KCNQ1: variants seen among roughly 807,000 people sequenced by gnomAD.
The protein encoded by KCNQ1 is potassium voltage-gated channel subfamily KQT member 1.
A neutral mutation model predicts 72.4 loss-of-function variants in KCNQ1; 49 were observed. That is an observed-to-expected ratio of 0.68 (90% CI 0.54 to 0.86). KCNQ1 has a LOEUF of 0.86. Ranked by LOEUF, KCNQ1 falls within the 40% of genes least tolerant of loss-of-function variation. The probability of loss-of-function intolerance (pLI) is 0.00; values close to 1 mark genes in which losing one functional copy is unlikely to be tolerated. For missense variants in KCNQ1, 790 were observed against 945.1 expected, an observed-to-expected ratio of 0.84 and a Z score of 2.15; for synonymous variants, 450 against 412.6, an observed-to-expected ratio of 1.09 and a Z score of -1.10.
At position 2,631,830 on chromosome 11, in the gene KCNQ1, G is replaced by A. The variant is rs568560803; in HGVS notation, c.1394-30131G>A. 38 of 398,552 alleles carry A rather than the reference G, an allele frequency of 9.5e-5. 1 individual carries two copies. The South Asian group carries it at 3.8e-3, about 40-fold the overall frequency. 24.7% of individuals were successfully genotyped at this position (398,552 alleles called of 1,614,324 possible). A position where few individuals can be genotyped will look rare whatever the true frequency, so the allele number is the denominator to read the frequency against. On this transcript the variant is annotated intron_variant, in intron 10 of 15. Transcript: ENST00000155840. The stretch of plus-strand genomic sequence containing the variant: ...CAAGGCTGAGTGTCCTGATGCTGTC[G>A]TGTAAATAGAGTTGTGTTAATAATA...
In KCNQ1 at chr11:2,671,586, G is replaced by C; in HGVS notation, c.1514+9505G>C. 1 of 398,618 alleles carries C rather than the reference G, an allele frequency of 2.5e-6. No individual in the cohort carries two copies. Among genetic ancestry groups the C allele is most frequent in the East Asian group, 3.6e-5 (1 of 28,078 alleles). 24.7% of individuals were successfully genotyped at this position (398,618 alleles called of 1,614,324 possible). On this transcript the variant is annotated intron_variant, in intron 11 of 15. Coordinates refer to ENST00000155840, the MANE Select transcript of KCNQ1 (RefSeq NM_000218.3). The surrounding 1 kb of genome is among the most constrained non-coding windows in gnomAD (Gnocchi z 4.7). ...TCTTTGGCACTGAGCATTTATACAA[G>C]ATCAGACTGCACTGCACCCTAAGTA...
intron 11 of KCNQ1, among the ~76,000 whole-genome samples, chr11:2,716,975 T>C (rs545696995): frequency 6.6e-6 from 1 of 152,346 alleles, no homozygotes; most frequent in African/African-American, 2.4e-5. Flanking sequence ...GTGGTGCCTG[T>C]GGAGCTGTTC....
intron 1 of KCNQ1, among the ~76,000 whole-genome samples, chr11:2,472,897 G>A (rs1310257291): frequency 1.3e-5 from 2 of 152,060 alleles, no homozygotes; most frequent in Non-Finnish European, 2.9e-5. Context: ...TTGCAGCTCT[G>A]GGGCCCTTCT....
rs776170046 is a variant in KCNQ1 at position 2,664,048 on chromosome 11, C to T, written c.1514+1967C>T. ...ATCCTGCAGCCTTTTCAGGTTGGCA[C>T]TCCCATGGCCTCCAGTGATAAGTGG... On this transcript the variant is annotated intron_variant, in intron 11 of 15. Transcript: ENST00000155840. The surrounding 1 kb of genome is among the most constrained non-coding windows in gnomAD (Gnocchi z 5.1). 6 of 398,632 alleles carry T rather than the reference C, an allele frequency of 1.5e-5. No individual in the cohort carries two copies. Among genetic ancestry groups the T allele is most frequent in the African/African-American group, 2.1e-5 (1 of 48,654 alleles). 24.7% of individuals were successfully genotyped at this position (398,632 alleles called of 1,614,324 possible).
intron 2 of KCNQ1, among the ~76,000 whole-genome samples, chr11:2,552,118 C>CT (rs1322705656): frequency 0.012 from 1,793 of 146,318 alleles, 36 homozygotes; most frequent in African/African-American, 0.041. Context: ...CAGGGTTCTT[C>CT]TTTTTTTTTT....
In KCNQ1 at chr11:2,724,667, A is replaced by T. The variant is rs1052157407; in HGVS notation, c.1515-44177A>T. 1.3e-5 allele frequency among the ~76,000 whole-genome samples: 2 copies of T among 152,188 alleles called. No homozygotes were observed. Among genetic ancestry groups the T allele is most frequent in the South Asian group, 4.1e-4 (2 of 4,832 alleles). ...GCCCTTCCCTCTCACTTCGCTCCCC[A>T]GGAGGCGACACTGTGATTGTCCTGG... is the stretch of plus-strand genomic sequence containing the variant. On this transcript the variant is annotated intron_variant, in intron 11 of 15. Coordinates refer to ENST00000155840, the MANE Select transcript of KCNQ1 (RefSeq NM_000218.3). The surrounding 1 kb of genome is among the most constrained non-coding windows in gnomAD (Gnocchi z 6.8).
rs1402485755 is a variant in KCNQ1, at chr11:2,471,880, G to GCACATGTGTATGGGTGTGTGTT, written c.386+26407_386+26408insGGGTGTGTGTTCACATGTGTAT. 1.6e-3 allele frequency among the ~76,000 whole-genome samples: 239 copies of GCACATGTGTATGGGTGTGTGTT among 152,060 alleles called. 1 individual carries two copies. The highest frequency in any genetic ancestry group is 5.6e-3 in the African/African-American group (233 of 41,466). On this transcript the variant is annotated intron_variant, in intron 1 of 15. Coordinates refer to ENST00000155840, the MANE Select transcript of KCNQ1 (RefSeq NM_000218.3). This position sits in a 1 kb window ranked among gnomAD's most constrained non-coding sequence, Gnocchi z 4.8. ...TGTGTGTTTATGTATGGGTGTGTGT[G>GCACATGTGTATGGGTGTGTGTT]CACATGTGTATAGGTGTGTGTATGC...
At chr11:2,578,798 T>C (rs759985397) in intron 6 of KCNQ1, among the ~76,000 whole-genome samples, 16 of 152,234 alleles carry the variant, frequency 1.1e-4, no homozygotes, top group Non-Finnish European at 2.4e-4. Flanking sequence ...GGGCCTGCAA[T>C]GGCTGAAGCA....
intron 11 of KCNQ1, chr11:2,688,797 A>C (rs1177531989): frequency 2.5e-6 from 1 of 398,656 alleles, no homozygotes; most frequent in South Asian, 1.3e-4. Flanking sequence ...GCCCTCCCCC[A>C]CACACAGCCC....
At position 2,830,704 on chromosome 11, in the gene KCNQ1, G is replaced by C. The variant is rs1847931091; in HGVS notation, c.1795-17063G>C. Among the ~76,000 whole-genome samples the C allele has an allele frequency of 6.6e-6, 1 of 152,026 alleles. No homozygotes were observed. The highest frequency in any genetic ancestry group is 1.5e-5 in the Non-Finnish European group (1 of 67,962). On this transcript the variant is annotated intron_variant, in intron 15 of 15. Coordinates refer to ENST00000155840, the MANE Select transcript of KCNQ1 (RefSeq NM_000218.3). The surrounding 1 kb of genome is among the most constrained non-coding windows in gnomAD (Gnocchi z 7.7). Reference sequence around the variant, plus strand: ...TTCCGAGCATTGTGGGCCTTCCCAGGAACCCCCACATCTCCGTGGCCCTCA... The same window carrying C: ...TTCCGAGCATTGTGGGCCTTCCCAGCAACCCCCACATCTCCGTGGCCCTCA...
chr11:2,632,366 T>G (rs374939008), intron 10 of KCNQ1: 7 of 398,328 alleles, frequency 1.8e-5, no homozygotes, highest in Non-Finnish European at 1.3e-5. Context: ...CTTTATTTCT[T>G]TTCCATATTC....
intron 5 of KCNQ1, 35 bp downstream of exon 5, chr11:2,572,144 T>C (rs375602312): frequency 6.0e-5 from 91 of 1,516,672 alleles, no homozygotes; most frequent in Admixed American, 1.5e-4. Flanking sequence ...GGGGCCCAGG[T>C]TGGGGACAGG....
At chr11:2,728,753 G>A (rs1037841228) in intron 11 of KCNQ1, among the ~76,000 whole-genome samples, 8 of 152,192 alleles carry the variant, frequency 5.3e-5, no homozygotes, top group Non-Finnish European at 1.0e-4. Context: ...AGCATCTCAG[G>A]AGGAGCTGAG....
chr11:2,558,598 AC>A (rs1444128161), intron 2 of KCNQ1, among the ~76,000 whole-genome samples: 21 of 152,260 alleles, frequency 1.4e-4, no homozygotes, highest in Non-Finnish European at 2.5e-4. Context: ...CCTTGAGAAC[AC>A]CCAGGTGGGG....
chr11:2,491,269 T>A lies in KCNQ1; in HGVS notation c.387-36659T>A, dbSNP rs1435004663. Among the ~76,000 whole-genome samples, 1 of 152,092 alleles carries A rather than the reference T, an allele frequency of 6.6e-6. No individual in the cohort carries two copies. On this transcript the variant is annotated intron_variant, in intron 1 of 15. Coordinates refer to ENST00000155840, the MANE Select transcript of KCNQ1 (RefSeq NM_000218.3). This position sits in a 1 kb window ranked among gnomAD's most constrained non-coding sequence, Gnocchi z 4.1. ...AACTAAATAAAGCATCAGGGACCAA[T>A]CCTGAAGAAAAGAGATATGTGACCT...
At position 2,642,720 on chromosome 11, in the gene KCNQ1, G is replaced by A. The variant is rs967015007; in HGVS notation, c.1394-19241G>A. 1 of 397,570 alleles carries A rather than the reference G, an allele frequency of 2.5e-6. No homozygotes were observed. The highest frequency in any genetic ancestry group is 1.3e-4 in the South Asian group (1 of 7,840). The allele number at this position is 397,570 out of a possible 1,614,324, so 24.6% of individuals were successfully genotyped here. A position where few individuals can be genotyped will look rare whatever the true frequency, so the allele number is the denominator to read the frequency against. On this transcript the variant is annotated intron_variant, in intron 10 of 15. Coordinates refer to ENST00000155840, the MANE Select transcript of KCNQ1 (RefSeq NM_000218.3). The surrounding 1 kb of genome is among the most constrained non-coding windows in gnomAD (Gnocchi z 4.3). ...ACTAATTTTATGTTTAGTATGGTTT[G>A]TTCTTGCTTTTCTGGTTCCTTCAGG...
Position 2,677,235 on chromosome 11 carries a change from G to A in KCNQ1, c.1514+15154G>A. The A allele has an allele frequency of 7.5e-6, 3 of 398,394 alleles. No individual in the cohort carries two copies. The highest frequency in any genetic ancestry group is 1.3e-5 in the Non-Finnish European group (3 of 226,018). The allele number at this position is 398,394 out of a possible 1,614,324, so 24.7% of individuals were successfully genotyped here. A position where few individuals can be genotyped will look rare whatever the true frequency, so the allele number is the denominator to read the frequency against. On this transcript the variant is annotated intron_variant, in intron 11 of 15. Transcript: ENST00000155840. The surrounding 1 kb of genome is among the most constrained non-coding windows in gnomAD (Gnocchi z 4.5). ...TCTTGTCAACCAAAGACAATATAAAGCACACACAAAGTAAAGAGGAACTTA... is the reference window on the plus strand; with the variant it reads ...TCTTGTCAACCAAAGACAATATAAAACACACACAAAGTAAAGAGGAACTTA...
intron 1 of KCNQ1, among the ~76,000 whole-genome samples, chr11:2,527,639 G>T (rs1385670637): frequency 6.6e-6 from 1 of 152,230 alleles, no homozygotes; most frequent in Admixed American, 6.5e-5. Flanking sequence ...CACACTGCAG[G>T]TGGTCAGCAG....
chr11:2,692,096 T>C, intron 11 of KCNQ1: 1 of 398,502 alleles, frequency 2.5e-6, no homozygotes, highest in Admixed American at 4.4e-5. Flanking sequence ...CCCCACCTCC[T>C]CTCCACAGCC....
Sources: allele counts gnomAD v4.1 joint callset (sites outside exome capture counted in the v4.1 genomes callset), GRCh38; gene constraint gnomAD v4.1.1; non-coding constraint Gnocchi (gnomAD v3.1); transcripts MANE v1.5; gene names NCBI Gene and HGNC (gene_info 2026-07-23, HGNC 2026-07-21).